RAN: variants seen among roughly 807,000 people sequenced by gnomAD.
RAN encodes RAN, member RAS oncogene family.
RAN carries 2 observed loss-of-function variants against 26.8 expected under a neutral mutation model. The observed-to-expected ratio is 0.07, with a 90% CI of 0.03 to 0.23. The LOEUF (loss-of-function observed/expected upper bound fraction) is 0.23. Ranked by LOEUF, RAN falls within the 10% of genes least tolerant of loss-of-function variation. The pLI is 1.00. For missense variants in RAN, 56 were observed against 264.8 expected, an observed-to-expected ratio of 0.21 and a Z score of 5.47; for synonymous variants, 132 against 95.9, an observed-to-expected ratio of 1.38 and a Z score of -2.20.
At chr12:130,874,784 G>A (rs1469004899) in intron 5 of RAN, 51 bp downstream of exon 5, 1 of 1,441,160 alleles carries the variant, frequency 6.9e-7, no homozygotes, top group South Asian at 1.3e-5. Flanking sequence ...GAGATTATAT[G>A]TAAGACCATG....
intron 4 of RAN, 112 bp from the exon 5 acceptor site, chr12:130,874,434 G>T: frequency 1.3e-6 from 1 of 754,510 alleles, no homozygotes; most frequent in East Asian, 2.7e-5. Context: ...AGAGATACAG[G>T]TGACTCGTTG....
chr12:130,876,170 A>AG lies in RAN; in HGVS notation c.*244_*245insG, dbSNP rs1565956151. Reference sequence around the variant, plus strand: ...GCAGTTGATTCCTTGAGTTTCATATATAAGACTGCTGCAGTCACATCACAA... The same window carrying AG: ...GCAGTTGATTCCTTGAGTTTCATATAGTAAGACTGCTGCAGTCACATCACAA... On this transcript the variant is annotated 3_prime_UTR_variant, in exon 7 of 7. Coordinates refer to ENST00000543796, the MANE Select transcript of RAN (RefSeq NM_006325.5). 7.3e-5 allele frequency: 40 copies of AG among 547,768 alleles called. No individual in the cohort carries two copies. Among genetic ancestry groups the AG allele is most frequent in the African/African-American group, 6.6e-4 (35 of 52,966 alleles). 33.9% of individuals were successfully genotyped at this position (547,768 alleles called of 1,614,324 possible). A position where few individuals can be genotyped will look rare whatever the true frequency, so the allele number is the denominator to read the frequency against.
In RAN at chr12:130,876,304, T is replaced by G. The variant is rs1350570313; in HGVS notation, c.*378T>G. On this transcript the variant is annotated 3_prime_UTR_variant, in exon 7 of 7. Coordinates refer to ENST00000543796, the MANE Select transcript of RAN (RefSeq NM_006325.5). ...TAAGCAAGTGAACTCATCCCTTGTTTATAAATAGCATTTGGAAACCACTAA... is the reference window on the plus strand; with the variant it reads ...TAAGCAAGTGAACTCATCCCTTGTTGATAAATAGCATTTGGAAACCACTAA... 2.1e-5 allele frequency: 4 copies of G among 186,546 alleles called. No individual in the cohort carries two copies. In the East Asian group the frequency reaches 5.7e-4, roughly 27 times the overall value. The allele number at this position is 186,546 out of a possible 1,614,324, so 11.6% of individuals were successfully genotyped here. A position where few individuals can be genotyped will look rare whatever the true frequency, so the allele number is the denominator to read the frequency against.
chr12:130,876,243 C>T lies in RAN; in HGVS notation c.*317C>T, dbSNP rs1017357235. 1.3e-5 allele frequency: 4 copies of T among 318,174 alleles called. No homozygotes were observed. The highest frequency in any genetic ancestry group is 2.2e-5 in the African/African-American group (1 of 46,484). The allele number at this position is 318,174 out of a possible 1,614,324, so 19.7% of individuals were successfully genotyped here. A position where few individuals can be genotyped will look rare whatever the true frequency, so the allele number is the denominator to read the frequency against. On this transcript the variant is annotated 3_prime_UTR_variant, in exon 7 of 7. Coordinates refer to ENST00000543796, the MANE Select transcript of RAN (RefSeq NM_006325.5). ...TGTTACTGTCATTCCCATTCCTTTT[C>T]GTTTAGAATCAGAATAAAGTTGTAT... is the stretch of plus-strand genomic sequence containing the variant.
At chr12:130,874,180 T>C in intron 4 of RAN, 1 of 217,834 alleles carries the variant, frequency 4.6e-6, no homozygotes, top group Non-Finnish European at 9.5e-6. Context: ...GAATAATGTT[T>C]TCCAGTATAG....
At chr12:130,872,501 G>C (rs1303404605) in intron 1 of RAN, 83 bp from the exon 2 acceptor site, 1 of 1,084,924 alleles carries the variant, frequency 9.2e-7, no homozygotes, top group Admixed American at 4.4e-5. Context: ...GGGCGGGCAC[G>C]TGGGGCGCTG....
Position 130,875,962 on chromosome 12 carries a change from T to A in RAN, c.*36T>A. ...GGAGCCCAGCGTCAGAAGTCTAGTT[T>A]TATAGGCAGCTGTCCTGTGATGTCA... On this transcript the variant is annotated 3_prime_UTR_variant, in exon 7 of 7. Transcript: ENST00000543796. 1 of 1,604,902 alleles carries A rather than the reference T, an allele frequency of 6.2e-7. No homozygotes were observed. Among genetic ancestry groups the A allele is most frequent in the Non-Finnish European group, 8.5e-7 (1 of 1,172,396 alleles).
At position 130,872,142 on chromosome 12, in the gene RAN, G is replaced by A. The variant is rs761914109; in HGVS notation, c.-11+16G>A. On this transcript the variant is annotated intron_variant, in intron 1 of 6. Transcript: ENST00000543796. Reference sequence around the variant, plus strand: ...CTTCTGGAAGGTATCGCGACCCGGCGGGCCCGGCACGGCCGGGCGGGGACA... The same window carrying A: ...CTTCTGGAAGGTATCGCGACCCGGCAGGCCCGGCACGGCCGGGCGGGGACA... 8 of 229,110 alleles carry A rather than the reference G, an allele frequency of 3.5e-5. No individual in the cohort carries two copies. The highest frequency in any genetic ancestry group is 3.1e-4 in the South Asian group (8 of 26,024). The allele number at this position is 229,110 out of a possible 1,614,324, so 14.2% of individuals were successfully genotyped here.
At chr12:130,875,823 T>A (rs979190103) in intron 6 of RAN, 41 bp downstream of exon 6, 2 of 1,614,006 alleles carry the variant, frequency 1.2e-6, no homozygotes, top group Admixed American at 3.3e-5. Flanking sequence ...TCGGTTTGGC[T>A]TGTTTATTCC....
At chr12:130,872,513 G>C in intron 1 of RAN, 71 bp from the exon 2 acceptor site, 1 of 1,186,062 alleles carries the variant, frequency 8.4e-7, no homozygotes, top group East Asian at 3.3e-5. Context: ...GGGGCGCTGG[G>C]GGCGCGGGAG....
Position 130,873,120 on chromosome 12 carries a change from A to T in RAN, c.239A>T (p.Tyr80Phe). Residue 80 changes from tyrosine (Y) to phenylalanine (F), a missense_variant, in exon 4 of 7, where the codon TAT (tyrosine) becomes TTT (phenylalanine). Physicochemically the swap from Tyr to Phe is conservative, Grantham distance 22 (BLOSUM62 3). This residue lies in a region of RAN where 39 missense variants were observed against 248.7 expected (regional missense o/e 0.16). Transcript: ENST00000543796. Reference sequence around the variant, plus strand: ...TTCGGTGGACTGAGAGATGGCTATTATATCCAAGGTAGGCATTTGTAACTT... The same window carrying T: ...TTCGGTGGACTGAGAGATGGCTATTTTATCCAAGGTAGGCATTTGTAACTT... ...EKFGGLRDGY[Y>F]IQAQCAIIMF... 6.2e-7 allele frequency: 1 copy of T among 1,614,210 alleles called. No homozygotes were observed. Among genetic ancestry groups the T allele is most frequent in the Non-Finnish European group, 8.5e-7 (1 of 1,180,016 alleles).
Position 130,875,865 on chromosome 12 carries a change from T to G in RAN, c.607-17T>G, listed in dbSNP as rs770072198. The stretch of plus-strand genomic sequence containing the variant: ...TTTTGATCTGGAGTGTTAACGTTTT[T>G]CCATCTCTTCGTCTAGGTTGCTCAG... On this transcript the variant is annotated splice_polypyrimidine_tract_variant and intron_variant, in intron 6 of 6. Coordinates refer to ENST00000543796, the MANE Select transcript of RAN (RefSeq NM_006325.5). 1.2e-6 allele frequency: 2 copies of G among 1,614,078 alleles called. No individual in the cohort carries two copies. The highest frequency in any genetic ancestry group is 1.7e-6 in the Non-Finnish European group (2 of 1,180,030).
chr12:130,875,845 A>T (rs1398130614), intron 6 of RAN, 37 bp from the exon 7 acceptor site: 44 of 1,613,910 alleles, frequency 2.7e-5, no homozygotes, highest in Non-Finnish European at 3.3e-5. Context: ...GGCAGTTTTG[A>T]TCTGGAGTGT....
At chr12:130,873,171 T>C (rs1485448061) in intron 4 of RAN, 43 bp downstream of exon 4, 1 of 1,612,730 alleles carries the variant, frequency 6.2e-7, no homozygotes, top group Middle Eastern at 1.7e-4. Context: ...AGAGGTTTTG[T>C]GTACTTCAGT....
In RAN at chr12:130,874,537, T is replaced by A. The variant is rs1953202658; in HGVS notation, c.248-9T>A. ...CTGAGTGTACTAATTCCCACAAATG[T>A]TTCTTCAGCCCAGTGTGCCATCATA... is the stretch of plus-strand genomic sequence containing the variant. On this transcript the variant is annotated splice_polypyrimidine_tract_variant and intron_variant, in intron 4 of 6. Transcript: ENST00000543796. 2 of 1,558,024 alleles carry A rather than the reference T, an allele frequency of 1.3e-6. No individual in the cohort carries two copies. Among genetic ancestry groups the A allele is most frequent in the Admixed American group, 1.7e-5 (1 of 58,142 alleles).
chr12:130,874,515 AGT>A, intron 4 of RAN, 29 bp from the exon 5 acceptor site: 1 of 1,497,592 alleles, frequency 6.7e-7, no homozygotes, highest in East Asian at 2.3e-5. Flanking sequence ...CAGTAAACTG[AGT>A]GTACTAATTC....
intron 4 of RAN, chr12:130,873,343 G>GA (rs1302929440): frequency 2.2e-5 from 12 of 543,018 alleles, no homozygotes; most frequent in Non-Finnish European, 3.5e-5. Flanking sequence ...GCATGCTTTA[G>GA]AAAAAACTAT....
At position 130,875,710 on chromosome 12, in the gene RAN, C is replaced by G; in HGVS notation, c.534C>G (p.Ala178=). ...GAGACCCTAACTTGGAATTTGTTGC[C>G]ATGCCTGCTCTCGCCCCACCAGAAG... The part of the protein sequence containing the change: ...LIGDPNLEFV[A]MPALAPPEVV... The change falls in exon 6 of 7, where the codon GCC becomes GCG. Residue 178 remains alanine (A), a synonymous_variant. Coordinates refer to ENST00000543796, the MANE Select transcript of RAN (RefSeq NM_006325.5). The G allele has an allele frequency of 6.2e-7, 1 of 1,614,058 alleles. No individual in the cohort carries two copies. Among genetic ancestry groups the G allele is most frequent in the Admixed American group, 1.7e-5 (1 of 59,996 alleles).
chr12:130,872,607 G>A lies in RAN; in HGVS notation c.14G>A (p.Gly5Glu). 6.6e-7 allele frequency: 1 copy of A among 1,525,556 alleles called. No individual in the cohort carries two copies. Among genetic ancestry groups the A allele is most frequent in the Non-Finnish European group, 8.8e-7 (1 of 1,140,250 alleles). 94.5% of individuals were successfully genotyped at this position (1,525,556 alleles called of 1,614,324 possible). The change falls in exon 2 of 7, where the codon GGA becomes GAA. Residue 5 changes from glycine (G) to glutamate (E), a missense_variant. By Grantham distance (98) the Gly-to-Glu change is moderately conservative. Transcript: ENST00000543796. Reference protein sequence around the residue: MAAQGEPQVQFKLVL... With the variant: MAAQEEPQVQFKLVL... ...AGGAACGCCGCGATGGCTGCGCAGG[G>A]AGAGCCCCAGGTCCAGTTCAAAGTA... is the stretch of plus-strand genomic sequence containing the variant.
Sources: allele counts gnomAD v4.1 joint callset, GRCh38; gene constraint gnomAD v4.1.1; regional missense constraint gnomAD v4.1.1; transcripts MANE v1.5; gene names NCBI Gene and HGNC (gene_info 2026-07-23, HGNC 2026-07-21).